The following CEP63 variants were observed in gnomAD, a reference collection of about 807,000 sequenced individuals.
The protein encoded by CEP63 is centrosomal protein 63, also known as centrosomal protein of 63 kDa.
Under a neutral mutation model 89.1 loss-of-function variants are expected in CEP63, and 84 were observed. The ratio of observed to expected loss-of-function variants is 0.94; its 90% confidence interval spans 0.79 to 1.13. The LOEUF (loss-of-function observed/expected upper bound fraction) is 1.13, where lower values mean the gene tolerates loss of function less well. Among genes scored for constraint, CEP63 ranks in the 50% most tolerant of loss-of-function variants. The pLI is 0.00. For missense variants in CEP63, 838 were observed against 813.3 expected (o/e 1.03, Z -0.37); for synonymous variants, 267 against 272.5 (o/e 0.98, Z 0.20).
At chr3:134,599,783 C>T in the CEP63 span, among the ~76,000 whole-genome samples, 397 of 152,262 alleles carry the variant, frequency 2.6e-3, 3 homozygotes, top group African/African-American at 9.2e-3. Context: ...ACATTCCATT[C>T]GCATCTCACC....
At chr3:134,518,621 T>C (rs1946741146) in intron 3 of CEP63, among the ~76,000 whole-genome samples, 1 of 152,174 alleles carries the variant, frequency 6.6e-6, no homozygotes, top group Non-Finnish European at 1.5e-5. Flanking sequence ...TCAAAACTTG[T>C]GGAATGCAGC....
chr3:134,496,096 T>C (rs1939827184), intron 2 of CEP63, among the ~76,000 whole-genome samples: 1 of 152,208 alleles, frequency 6.6e-6, no homozygotes, highest in African/African-American at 2.4e-5. Context: ...TACCCAATAG[T>C]GTGCTTTCTG....
chr3:134,737,617 A>C, the CEP63 span, among the ~76,000 whole-genome samples: 1 of 152,310 alleles, frequency 6.6e-6, no homozygotes, highest in South Asian at 2.1e-4. Context: ...ACTCTTTTTC[A>C]CTATTCTGTG....
the CEP63 span, among the ~76,000 whole-genome samples, chr3:134,749,829 G>GTTGAGCA: frequency 1.0e-3 from 30 of 28,730 alleles, no homozygotes; most frequent in East Asian, 0.011. Flanking sequence ...GGCTAGGAGA[G>GTTGAGCA]TTGAGCAGAC....
chr3:134,504,127 G>A lies in CEP63; in HGVS notation c.45-2982G>A, dbSNP rs140646066. Among the ~76,000 whole-genome samples the A allele has an allele frequency of 7.8e-3, 1,115 of 142,512 alleles. 24 individuals carry two copies. The highest frequency in any genetic ancestry group is 0.077 in the South Asian group (349 of 4,540). The allele number at this position is 142,512 out of a possible 152,430, so 93.5% of individuals were successfully genotyped here. On this transcript the variant is annotated intron_variant, in intron 2 of 14. Coordinates refer to ENST00000675561, the MANE Select transcript of CEP63 (RefSeq NM_001353108.3). ...GGTCTCTCTCTCTTTTTTTTTTTTA[G>A]TGATAATGTTTGATGCCTTTCTCTT...
At chr3:134,746,516 G>T in the CEP63 span, among the ~76,000 whole-genome samples, 1 of 152,154 alleles carries the variant, frequency 6.6e-6, no homozygotes, top group Non-Finnish European at 1.5e-5. Context: ...CACAATGATT[G>T]AACTAATTTA....
At chr3:134,507,910 G>A (rs1244583682) in intron 3 of CEP63, among the ~76,000 whole-genome samples, 3 of 152,174 alleles carry the variant, frequency 2.0e-5, no homozygotes, top group Admixed American at 6.5e-5. Flanking sequence ...ATATTGGAAG[G>A]GAAGTAGAAA....
At chr3:134,492,070 C>CTTTTTTTTTTTTTTTTTTTTT (rs74269453) in intron 1 of CEP63, among the ~76,000 whole-genome samples, 3 of 103,682 alleles carry the variant, frequency 2.9e-5, no homozygotes, top group African/African-American at 1.1e-4. Context: ...TATTTGTATT[C>CTTTTTTTTTTTTTTTTTTTTT]TTTTTTTTTT....
the CEP63 span, among the ~76,000 whole-genome samples, chr3:134,724,406 T>C: frequency 6.6e-6 from 1 of 152,228 alleles, no homozygotes; most frequent in South Asian, 2.1e-4. Flanking sequence ...TTTGCATCAC[T>C]CTCAAGGATA....
the CEP63 span, among the ~76,000 whole-genome samples, chr3:134,731,577 G>A: frequency 6.6e-6 from 1 of 152,144 alleles, no homozygotes; most frequent in Non-Finnish European, 1.5e-5. Context: ...TTCCAGGTCT[G>A]AAAAATAATG....
chr3:134,578,393 C>T (rs965892020), downstream of CEP63, among the ~76,000 whole-genome samples: 1 of 134,306 alleles, frequency 7.4e-6, no homozygotes, highest in Middle Eastern at 4.5e-3. Context: ...TGCAGTGGTG[C>T]GATCTCACCT....
chr3:134,775,512 A>G, the CEP63 span, among the ~76,000 whole-genome samples: 1 of 152,282 alleles, frequency 6.6e-6, no homozygotes, highest in South Asian at 2.1e-4. Flanking sequence ...AATTCTCCAG[A>G]ACAGAGGTCA....
At chr3:134,633,750 C>T in the CEP63 span, among the ~76,000 whole-genome samples, 1 of 151,974 alleles carries the variant, frequency 6.6e-6, no homozygotes. Flanking sequence ...GAAGTCCCAC[C>T]CTGTGTAATA....
the CEP63 span, among the ~76,000 whole-genome samples, chr3:134,594,584 A>G: frequency 1.3e-5 from 2 of 151,996 alleles, no homozygotes; most frequent in African/African-American, 2.4e-5. Context: ...CCAGGTGGCA[A>G]TTTTTCTCCT....
Position 134,559,192 on chromosome 3 carries a change from G to A in CEP63, c.1716G>A (p.Glu572=). The A allele has an allele frequency of 6.2e-7, 1 of 1,614,082 alleles. No homozygotes were observed. ...GQHRHDGIKT[E]HYKTDLHSPR... is the part of the protein sequence containing the mutation. The stretch of plus-strand genomic sequence containing the variant: ...ACAGACATGATGGAATAAAGACTGA[G>A]CACTACAAAACAGATCTTCATTCTC... Residue 572 remains glutamate, a synonymous_variant, in exon 14 of 15, where the codon GAG becomes GAA. Coordinates refer to ENST00000675561, the MANE Select transcript of CEP63 (RefSeq NM_001353108.3).
the CEP63 span, among the ~76,000 whole-genome samples, chr3:134,631,068 G>A: frequency 6.6e-6 from 1 of 152,214 alleles, no homozygotes; most frequent in Non-Finnish European, 1.5e-5. Flanking sequence ...GAAAATGTAA[G>A]TAGTGCGTCA....
chr3:134,665,702 C>CACAG, the CEP63 span, among the ~76,000 whole-genome samples: 660 of 102,276 alleles, frequency 6.5e-3, 7 homozygotes, highest in South Asian at 0.016. Flanking sequence ...CACACACACA[C>CACAG]AGAGAGAGAG....
chr3:134,752,545 A>G, the CEP63 span, among the ~76,000 whole-genome samples: 1 of 152,048 alleles, frequency 6.6e-6, no homozygotes, highest in African/African-American at 2.4e-5. Context: ...GAAATTACCA[A>G]TGGGATGTCA....
At chr3:134,523,836 G>C (rs1214841931) in intron 3 of CEP63, among the ~76,000 whole-genome samples, 1 of 151,922 alleles carries the variant, frequency 6.6e-6, no homozygotes, top group Non-Finnish European at 1.5e-5. Context: ...GCTTCTAGGT[G>C]TGTTCTTTTT....
Sources: allele counts gnomAD v4.1 joint callset (sites outside exome capture counted in the v4.1 genomes callset), GRCh38; gene constraint gnomAD v4.1.1; transcripts MANE v1.5; gene names NCBI Gene and HGNC (gene_info 2026-07-23, HGNC 2026-07-21).